The following FGF12 variants were observed in gnomAD, a reference collection of about 807,000 sequenced individuals.
FGF12 encodes fibroblast growth factor 12B.
In FGF12, 14 loss-of-function variants were observed where a neutral mutation model predicts 23.6. The ratio of observed to expected loss-of-function variants is 0.59; its 90% CI spans 0.39 to 0.93. The LOEUF is 0.93. FGF12 is among the 40% of genes least tolerant of loss of function. The pLI, the probability that FGF12 is intolerant of heterozygous loss-of-function variation, is 0.00. For missense variants in FGF12, 175 were observed against 217.8 expected (o/e 0.80, Z 1.24); for synonymous variants, 62 against 77.3 (o/e 0.80, Z 1.04).
chr3:192,304,003 C>T (rs114004216), intron 4 of FGF12, among the ~76,000 whole-genome samples: 1,675 of 152,248 alleles, frequency 0.011, 12 homozygotes, highest in Non-Finnish European at 0.018. Context: ...TCCTCACCTG[C>T]CCAAGGAAGA....
chr3:192,393,197 A>T (rs969075885), intron 2 of FGF12, among the ~76,000 whole-genome samples: 21 of 152,234 alleles, frequency 1.4e-4, no homozygotes, highest in African/African-American at 4.3e-4. Flanking sequence ...CTACGTGTCA[A>T]GCAATATGCT....
At chr3:192,338,229 G>T (rs184156026) in intron 3 of FGF12, among the ~76,000 whole-genome samples, 10 of 152,016 alleles carry the variant, frequency 6.6e-5, no homozygotes, top group Admixed American at 3.3e-4. Context: ...TATTATAGGC[G>T]CCTGCCACCA....
intron 2 of FGF12, among the ~76,000 whole-genome samples, chr3:192,595,100 A>C (rs2108625691): frequency 6.6e-6 from 1 of 152,318 alleles, no homozygotes; most frequent in Admixed American, 6.5e-5. Context: ...CAATTTTTTA[A>C]CTAACTTTAT....
At chr3:192,175,750 G>A (rs888104579) in intron 4 of FGF12, among the ~76,000 whole-genome samples, 3 of 152,126 alleles carry the variant, frequency 2.0e-5, no homozygotes, top group African/African-American at 2.4e-5. Flanking sequence ...GGAATCCTAC[G>A]TAAGCCCAAC....
chr3:192,319,541 G>A (rs1716418949), intron 4 of FGF12, among the ~76,000 whole-genome samples: 1 of 152,094 alleles, frequency 6.6e-6, no homozygotes, highest in South Asian at 2.1e-4. Flanking sequence ...AGGTTGCAGT[G>A]AGCTGAGATC....
At chr3:192,502,733 C>T (rs1028527224) in intron 2 of FGF12, among the ~76,000 whole-genome samples, 4 of 152,096 alleles carry the variant, frequency 2.6e-5, no homozygotes, top group Admixed American at 1.3e-4. Context: ...AAGCAACTAA[C>T]GTTGGAATGG....
chr3:192,670,817 C>T (rs1227414213), intron 2 of FGF12, among the ~76,000 whole-genome samples: 5 of 151,996 alleles, frequency 3.3e-5, no homozygotes, highest in Admixed American at 6.6e-5. Flanking sequence ...AATGGGGACC[C>T]GAAGGATAGT....
intron 2 of FGF12, among the ~76,000 whole-genome samples, chr3:192,615,562 A>G (rs1714725269): frequency 6.6e-6 from 1 of 152,076 alleles, no homozygotes; most frequent in Admixed American, 6.6e-5. Flanking sequence ...CCACCTACAC[A>G]TTTAAAACAT....
chr3:192,252,185 G>C (rs1197579473), intron 4 of FGF12, among the ~76,000 whole-genome samples: 2 of 151,962 alleles, frequency 1.3e-5, no homozygotes, highest in Non-Finnish European at 2.9e-5. Flanking sequence ...TATAAGCCGG[G>C]CATGGTGGCT....
intron 4 of FGF12, among the ~76,000 whole-genome samples, chr3:192,291,593 A>G (rs1027849949): frequency 6.7e-6 from 1 of 148,856 alleles, no homozygotes; most frequent in Non-Finnish European, 1.5e-5. Context: ...AAAAAAAAGA[A>G]AAAAAAAAAT....
At chr3:192,696,268 C>T (rs748842990) in intron 2 of FGF12, among the ~76,000 whole-genome samples, 1 of 151,884 alleles carries the variant, frequency 6.6e-6, no homozygotes, top group Non-Finnish European at 1.5e-5. Context: ...AATTCTTACC[C>T]TTTCCTATAA....
At chr3:192,499,539 TTTTTTTTTTTG>T in intron 2 of FGF12, among the ~76,000 whole-genome samples, 1 of 110,800 alleles carries the variant, frequency 9.0e-6, no homozygotes, top group African/African-American at 3.7e-5. Context: ...TTTTTTTTTT[TTTTTTTTTTTG>T]AGACAGAGTC....
chr3:192,220,596 C>T (rs1577248356), intron 4 of FGF12, among the ~76,000 whole-genome samples: 2 of 152,186 alleles, frequency 1.3e-5, no homozygotes, highest in African/African-American at 4.8e-5. Context: ...ATACATCACT[C>T]GACATACTGA....
intron 2 of FGF12, among the ~76,000 whole-genome samples, chr3:192,419,175 C>A (rs147733913): frequency 1.3e-5 from 2 of 152,058 alleles, no homozygotes; most frequent in Admixed American, 1.3e-4. Flanking sequence ...GATGATGAAT[C>A]CACAAAATGA....
At chr3:192,577,204 T>C (rs1712944202) in intron 2 of FGF12, among the ~76,000 whole-genome samples, 1 of 152,122 alleles carries the variant, frequency 6.6e-6, no homozygotes, top group Non-Finnish European at 1.5e-5. Flanking sequence ...TAAAGTGTAA[T>C]AAAAAATAAA....
At chr3:192,696,153 C>CTTTTTTTTTTTTTTTTTTTT (rs66508726) in intron 2 of FGF12, among the ~76,000 whole-genome samples, 1 of 140,788 alleles carries the variant, frequency 7.1e-6, no homozygotes, top group African/African-American at 2.6e-5. Context: ...CTAAGCTCAG[C>CTTTTTTTTTTTTTTTTTTTT]TTTTTTTTTT....
In FGF12 at chr3:192,339,191, T is replaced by C. The variant is rs577966325; in HGVS notation, c.125-3727A>G. Among the ~76,000 whole-genome samples, 6 of 152,306 alleles carry C rather than the reference T, an allele frequency of 3.9e-5. No homozygotes were observed. The East Asian group carries it at 1.2e-3, about 29-fold the overall frequency. ...TGGTAAAAGCTAAACATAGTTTCTC[T>C]GGAAAGGTCCTCATCTGCCTCCTAA... On this transcript the variant is annotated intron_variant, in intron 3 of 5. Transcript: ENST00000445105.
intron 2 of FGF12, among the ~76,000 whole-genome samples, chr3:192,543,934 G>C (rs532388378): frequency 6.6e-6 from 1 of 152,178 alleles, no homozygotes; most frequent in African/African-American, 2.4e-5. Context: ...CTAAGGTGGA[G>C]GGAAGAAGTA....
At chr3:192,627,447 T>C (rs1034313883) in intron 2 of FGF12, among the ~76,000 whole-genome samples, 1 of 152,128 alleles carries the variant, frequency 6.6e-6, no homozygotes, top group African/African-American at 2.4e-5. Context: ...ATTATTTTCC[T>C]AGGACAATTT....
Sources: gnomAD v4.1 joint callset for allele counts (sites outside exome capture counted in the v4.1 genomes callset) on GRCh38, gnomAD v4.1.1 for gene constraint, MANE v1.5 for transcripts, NCBI Gene and HGNC (gene_info 2026-07-23, HGNC 2026-07-21) for gene names.